Variants in MIA2 observed in about 807,000 individuals in gnomAD.
MIA2 encodes the protein MIA SH3 domain ER export factor 2, also known as melanoma inhibitory activity protein 2.
In MIA2, 127 loss-of-function variants were observed where a neutral mutation model predicts 167.8. The observed-to-expected ratio is 0.76, with a 90% CI of 0.66 to 0.88. MIA2 has a LOEUF of 0.88. MIA2 is among the 40% of genes least tolerant of loss of function. The pLI, the probability that MIA2 is intolerant of heterozygous loss-of-function variation, is 0.00. For missense variants in MIA2, 1,690 were observed against 1,624.7 expected (o/e 1.04, Z -0.69); for synonymous variants, 552 against 541.9 (o/e 1.02, Z -0.26).
intron 6 of MIA2, among the ~76,000 whole-genome samples, chr14:39,261,769 T>C (rs1438437991): frequency 1.3e-5 from 2 of 151,730 alleles, no homozygotes; most frequent in Admixed American, 1.3e-4. Context: ...CATGTGTCTG[T>C]TGGCTGCATA....
chr14:39,315,778 C>A (rs570742162), intron 21 of MIA2, 60 bp downstream of exon 21: 5 of 1,122,100 alleles, frequency 4.5e-6, no homozygotes, highest in East Asian at 5.0e-5. Context: ...TCAGAAGATA[C>A]GTTGTTTATT....
chr14:39,265,176 T>C (rs1405759142), intron 6 of MIA2: 4 of 480,828 alleles, frequency 8.3e-6, no homozygotes, highest in African/African-American at 2.1e-5. Context: ...TATATATATA[T>C]ACTTAACAAC....
At chr14:39,293,869 A>C (rs2061057219) in intron 11 of MIA2, 131 bp from the exon 12 acceptor site, 11 of 694,180 alleles carry the variant, frequency 1.6e-5, no homozygotes, top group South Asian at 1.3e-4. Context: ...TGGCTAAATA[A>C]ACTGAGAAGG....
intron 9 of MIA2, among the ~76,000 whole-genome samples, 153 bp downstream of exon 9, chr14:39,279,690 T>A (rs1347400505): frequency 6.6e-6 from 1 of 152,188 alleles, no homozygotes; most frequent in Non-Finnish European, 1.5e-5. Flanking sequence ...TTAACCAGTC[T>A]TACTAATTTT....
chr14:39,348,059 CG>C (rs201843561), intron 27 of MIA2, among the ~76,000 whole-genome samples: 3,123 of 152,224 alleles, frequency 0.021, 109 homozygotes, highest in African/African-American at 0.069. Flanking sequence ...ATGATCCACT[CG>C]CCTTGGCCTC....
chr14:39,355,040 G>C (rs1212707669), downstream of MIA2, among the ~76,000 whole-genome samples: 1 of 149,982 alleles, frequency 6.7e-6, no homozygotes, highest in Non-Finnish European at 1.5e-5. Context: ...ACTTGGCAAT[G>C]TGGGTTCTTT....
At chr14:39,342,165 C>G (rs1278452716) in intron 25 of MIA2, among the ~76,000 whole-genome samples, 1 of 139,914 alleles carries the variant, frequency 7.1e-6, no homozygotes, top group African/African-American at 2.6e-5. Flanking sequence ...CTATCCCTCC[C>G]CCCTCCCCAC....
chr14:39,252,494 T>G (rs1190781350), intron 4 of MIA2, among the ~76,000 whole-genome samples: 1 of 152,184 alleles, frequency 6.6e-6, no homozygotes, highest in Non-Finnish European at 1.5e-5. Flanking sequence ...AACACCTTGG[T>G]TTTAGAATTT....
chr14:39,268,377 A>G (rs1373765845), intron 6 of MIA2, among the ~76,000 whole-genome samples: 7 of 151,966 alleles, frequency 4.6e-5, no homozygotes, highest in African/African-American at 1.7e-4. Flanking sequence ...TGAAAAGAGC[A>G]CCTTTATGGA....
rs747131405 is a variant in MIA2 at position 39,299,966 on chromosome 14, G to A, written c.2599G>A (p.Asp867Asn). The change falls in exon 14 of 29, where the codon GAT (aspartate) becomes AAT (asparagine). Residue 867 changes from aspartate to asparagine, a missense_variant. Transcript: ENST00000640607. ...SKVHAEQVLN[D>N]KESHIKTLTE... ...AGTACATGCAGAACAAGTTCTAAAT[G>A]ATAAAGAAAGTCACATCAAGGTAAA... 2 of 1,598,632 alleles carry A rather than the reference G, an allele frequency of 1.3e-6. No homozygotes were observed. The highest frequency in any genetic ancestry group is 1.8e-5 in the Admixed American group (1 of 56,778).
At chr14:39,235,798 A>G (rs1184808466) in intron 1 of MIA2, among the ~76,000 whole-genome samples, 2 of 152,058 alleles carry the variant, frequency 1.3e-5, no homozygotes, top group African/African-American at 4.8e-5. Context: ...ATATAAAGAA[A>G]AAAAAATTTT....
intron 6 of MIA2, among the ~76,000 whole-genome samples, chr14:39,259,905 G>C (rs2055008051): frequency 6.6e-6 from 1 of 151,924 alleles, no homozygotes; most frequent in Non-Finnish European, 1.5e-5. Flanking sequence ...TCCCCACTCT[G>C]TGTCCAAGCG....
At chr14:39,327,360 G>C (rs1366889042) in intron 25 of MIA2, among the ~76,000 whole-genome samples, 3 of 152,146 alleles carry the variant, frequency 2.0e-5, no homozygotes, top group African/African-American at 7.2e-5. Flanking sequence ...CCAGAATTTA[G>C]TTGTAGGTAT....
At position 39,288,450 on chromosome 14, in the gene MIA2, TATATATATATATA is replaced by T. The variant is rs2060145911; in HGVS notation, c.2131-2568_2131-2556del. ...TATTATACATATATATATATATATA[TATATATATATATA>T]TATATATATATATTTTTTTTTTTTT... On this transcript the variant is annotated intron_variant, in intron 9 of 28. Transcript: ENST00000640607. Among the ~76,000 whole-genome samples the T allele has an allele frequency of 1.0e-2, 253 of 25,426 alleles. 28 individuals are homozygous for T. Among genetic ancestry groups the T allele is most frequent in the South Asian group, 0.016 (11 of 708 alleles). The allele number at this position is 25,426 out of a possible 152,430, so 16.7% of individuals were successfully genotyped here. A position where few individuals can be genotyped will look rare whatever the true frequency, so the allele number is the denominator to read the frequency against.
At chr14:39,269,863 T>G (rs975201112) in intron 6 of MIA2, among the ~76,000 whole-genome samples, 11 of 152,244 alleles carry the variant, frequency 7.2e-5, no homozygotes, top group African/African-American at 2.7e-4. Context: ...GTTGTGTGAC[T>G]ATATCACATT....
At chr14:39,380,492 A>G in intron 23 of MIA2, among the ~76,000 whole-genome samples, 1 of 151,734 alleles carries the variant, frequency 6.6e-6, no homozygotes, top group Middle Eastern at 3.2e-3. Flanking sequence ...CAAGAGATAG[A>G]GAGCATCCTG....
chr14:39,276,781 G>T, intron 6 of MIA2, 153 bp from the exon 7 acceptor site: 1 of 720,166 alleles, frequency 1.4e-6, no homozygotes, highest in Non-Finnish European at 2.2e-6. Context: ...GATAGTGATT[G>T]AAAGTTGACA....
At chr14:39,358,120 T>G (rs1340652823) in intron 23 of MIA2, among the ~76,000 whole-genome samples, 1 of 152,238 alleles carries the variant, frequency 6.6e-6, no homozygotes, top group Non-Finnish European at 1.5e-5. Flanking sequence ...ACTGGGGAAG[T>G]TCTCCTGGAT....
chr14:39,352,165 A>T (rs2074404711), downstream of MIA2, among the ~76,000 whole-genome samples: 2 of 146,876 alleles, frequency 1.4e-5, no homozygotes, highest in African/African-American at 5.0e-5. Flanking sequence ...TTATATCCAG[A>T]TTTAAAAAAA....
Sources: allele counts gnomAD v4.1 joint callset (sites outside exome capture counted in the v4.1 genomes callset), GRCh38; gene constraint gnomAD v4.1.1; transcripts MANE v1.5; gene names NCBI Gene and HGNC (gene_info 2026-07-23, HGNC 2026-07-21).